TOX2: variants seen among roughly 807,000 people sequenced by gnomAD.
The protein encoded by TOX2 is TOX high mobility group box family member 2, also known as granulosa cell HMG box 1.
A neutral mutation model predicts 47.4 loss-of-function variants in TOX2; 15 were observed. The observed-to-expected ratio is 0.32, with a 90% CI of 0.21 to 0.49. The LOEUF (loss-of-function observed/expected upper bound fraction) is 0.49. Among genes scored for constraint, TOX2 ranks in the 20% least tolerant of loss-of-function variants. The probability of loss-of-function intolerance (pLI) is 0.99; values close to 1 mark genes in which losing one functional copy is unlikely to be tolerated. For synonymous variants in TOX2, 290 were observed against 296.6 expected (o/e 0.98, Z 0.23); for missense variants, 622 against 673.1 (o/e 0.92, Z 0.84).
intron 2 of TOX2, among the ~76,000 whole-genome samples, chr20:43,988,287 T>A (rs922103545): frequency 6.6e-6 from 1 of 152,244 alleles, no homozygotes; most frequent in East Asian, 1.9e-4. Flanking sequence ...TGCTGTGCTG[T>A]GGTGCCAGAA....
chr20:43,970,664 A>G (rs921785490), intron 1 of TOX2, among the ~76,000 whole-genome samples: 6 of 152,242 alleles, frequency 3.9e-5, no homozygotes, highest in African/African-American at 1.4e-4. Context: ...AAAATGATCA[A>G]TGGCCATGGT....
intron 5 of TOX2, 91 bp from the exon 6 acceptor site, chr20:44,064,686 C>A: frequency 1.6e-6 from 2 of 1,256,994 alleles, no homozygotes; most frequent in Non-Finnish European, 1.1e-6. Context: ...CATTCGTGAT[C>A]CTTGAATCCA....
rs1227618211 is a variant in TOX2, at chr20:43,916,178, C to T, written c.99+1188C>T. 1.0e-6 allele frequency: 1 copy of T among 985,536 alleles called. No individual in the cohort carries two copies. The highest frequency in any genetic ancestry group is 1.2e-6 in the Non-Finnish European group (1 of 829,980). 61.0% of individuals were successfully genotyped at this position (985,536 alleles called of 1,614,324 possible). Reference sequence around the variant, plus strand: ...GCGCGTGGGTTTCCCGCAGCCCTGGCGCAGACGCGTGGGCTCCGTGGCGAT... The same window carrying T: ...GCGCGTGGGTTTCCCGCAGCCCTGGTGCAGACGCGTGGGCTCCGTGGCGAT... On this transcript the variant is annotated intron_variant, in intron 1 of 8. Transcript: ENST00000341197. The surrounding 1 kb of genome is among the most constrained non-coding windows in gnomAD (Gnocchi z 5.0).
chr20:44,002,081 G>A (rs55980791), intron 2 of TOX2, among the ~76,000 whole-genome samples: 1 of 151,918 alleles, frequency 6.6e-6, no homozygotes, highest in Non-Finnish European at 1.5e-5. Context: ...CCTTTAGGTG[G>A]CAATAAGCCA....
At chr20:43,998,249 C>T (rs1318189651) in intron 2 of TOX2, among the ~76,000 whole-genome samples, 1 of 152,204 alleles carries the variant, frequency 6.6e-6, no homozygotes, top group African/African-American at 2.4e-5. Context: ...CACCTTCCAC[C>T]AGGCCCCTGC....
At chr20:43,985,279 G>A (rs893365249) in intron 2 of TOX2, among the ~76,000 whole-genome samples, 10 of 152,170 alleles carry the variant, frequency 6.6e-5, no homozygotes, top group Non-Finnish European at 1.0e-4. Flanking sequence ...CTGCCTGAGC[G>A]CCCAGGAGGG....
At chr20:44,029,457 CTG>C (rs1414592648) in intron 3 of TOX2, among the ~76,000 whole-genome samples, 3 of 152,170 alleles carry the variant, frequency 2.0e-5, no homozygotes, top group Non-Finnish European at 4.4e-5. Context: ...TGATCCTGCT[CTG>C]TGTGCGCTGC....
chr20:43,975,048 A>T (rs1240259962), intron 2 of TOX2, among the ~76,000 whole-genome samples: 1 of 152,262 alleles, frequency 6.6e-6, no homozygotes, highest in African/African-American at 2.4e-5. Context: ...CTGAAGTCTC[A>T]TCTCAGCAGA....
Position 44,048,388 on chromosome 20 carries a change from T to TATATATATATATA in TOX2, c.412-2918_412-2917insATATATATATATA, listed in dbSNP as rs1555845974. On this transcript the variant is annotated intron_variant, in intron 3 of 8. Transcript: ENST00000341197. ...ATGTTAGTATCTGGATAAAATGAATTTATATATATATATATATATATATAT... is the reference window on the plus strand; with the variant it reads ...ATGTTAGTATCTGGATAAAATGAATTATATATATATATATATATATATATATATATATATATAT... 2.0e-4 allele frequency among the ~76,000 whole-genome samples: 17 copies of TATATATATATATA among 86,850 alleles called. 1 individual carries two copies. Among genetic ancestry groups the TATATATATATATA allele is most frequent in the African/African-American group, 6.3e-4 (14 of 22,118 alleles). The allele number at this position is 86,850 out of a possible 152,430, so 57.0% of individuals were successfully genotyped here.
At chr20:43,984,826 G>C (rs1422295141) in intron 2 of TOX2, among the ~76,000 whole-genome samples, 2 of 152,300 alleles carry the variant, frequency 1.3e-5, no homozygotes, top group Middle Eastern at 3.4e-3. Context: ...TGTGGGAAGT[G>C]CAGGGGCCTG....
chr20:44,044,155 T>C (rs2145728230), intron 3 of TOX2, among the ~76,000 whole-genome samples: 1 of 152,332 alleles, frequency 6.6e-6, no homozygotes, highest in South Asian at 2.1e-4. Flanking sequence ...GAAACCATCA[T>C]TCTTGGCAAA....
chr20:43,990,496 C>T (rs1045448755), intron 2 of TOX2, among the ~76,000 whole-genome samples: 1 of 152,180 alleles, frequency 6.6e-6, no homozygotes, highest in Admixed American at 6.5e-5. Flanking sequence ...TGTGGTGCCA[C>T]CACCTGGGAA....
intron 3 of TOX2, among the ~76,000 whole-genome samples, chr20:44,027,399 G>A (rs185195383): frequency 6.6e-6 from 1 of 152,220 alleles, no homozygotes; most frequent in East Asian, 1.9e-4. Flanking sequence ...GAGCCCACCC[G>A]GAACCCACCA....
chr20:43,917,663 G>T (rs1266300995), intron 1 of TOX2, among the ~76,000 whole-genome samples: 1 of 152,192 alleles, frequency 6.6e-6, no homozygotes, highest in Admixed American at 6.5e-5. Flanking sequence ...TCTACACAGA[G>T]ATTCCCAGCC....
chr20:43,957,062 A>G (rs1228068881), intron 1 of TOX2, among the ~76,000 whole-genome samples: 1 of 152,228 alleles, frequency 6.6e-6, no homozygotes, highest in Non-Finnish European at 1.5e-5. Flanking sequence ...ATATTAATGC[A>G]TATATATTTG....
At chr20:43,969,547 G>C (rs1249903547) in intron 1 of TOX2, among the ~76,000 whole-genome samples, 2 of 152,232 alleles carry the variant, frequency 1.3e-5, no homozygotes, top group Non-Finnish European at 2.9e-5. Flanking sequence ...TGGAAGCCAA[G>C]CCAGAGGGAG....
At chr20:44,056,088 C>T (rs2071610940) in intron 5 of TOX2, among the ~76,000 whole-genome samples, 1 of 152,110 alleles carries the variant, frequency 6.6e-6, no homozygotes, top group Admixed American at 6.5e-5. Flanking sequence ...AACTCAGGAG[C>T]CTGCTTAGAA....
At chr20:43,927,497 A>ACACACACACACAC (rs2069184248) in intron 1 of TOX2, among the ~76,000 whole-genome samples, 1 of 135,174 alleles carries the variant, frequency 7.4e-6, no homozygotes, top group African/African-American at 3.3e-5. Context: ...ACACACACAC[A>ACACACACACACAC]CACACACACA....
chr20:44,052,268 G>A (rs555776859), intron 4 of TOX2, among the ~76,000 whole-genome samples: 7 of 152,254 alleles, frequency 4.6e-5, no homozygotes, highest in South Asian at 2.1e-4. Flanking sequence ...CCACCTGTCC[G>A]GGCTCTGGCC....
Sources: allele counts gnomAD v4.1 joint callset (sites outside exome capture counted in the v4.1 genomes callset), GRCh38; gene constraint gnomAD v4.1.1; non-coding constraint Gnocchi (gnomAD v3.1); transcripts MANE v1.5; gene names NCBI Gene and HGNC (gene_info 2026-07-23, HGNC 2026-07-21).